The following TSPEAR variants were observed in gnomAD, a reference collection of about 807,000 sequenced individuals.
The protein encoded by TSPEAR is thrombospondin-type laminin G domain and EAR repeat-containing protein.
Under a neutral mutation model 71.6 loss-of-function variants are expected in TSPEAR, and 69 were observed. The observed-to-expected ratio is 0.96, with a 90% CI of 0.79 to 1.18. The LOEUF (loss-of-function observed/expected upper bound fraction) is 1.18. Among genes scored for constraint, TSPEAR ranks in the 50% most tolerant of loss-of-function variants. The probability of loss-of-function intolerance (pLI) is 0.00; values close to 1 mark genes in which losing one functional copy is unlikely to be tolerated. For synonymous variants in TSPEAR, 402 were observed against 387.2 expected, an observed-to-expected ratio of 1.04 and a Z score of -0.45; for missense variants, 971 against 894.9, an observed-to-expected ratio of 1.09 and a Z score of -1.09.
intron 1 of TSPEAR, chr21:44,646,840 C>T (rs587753805): frequency 7.0e-5 from 111 of 1,575,624 alleles, no homozygotes; most frequent in African/African-American, 8.2e-5. Context: ...TTCGTGCTGC[C>T]GGCAGTCTAG....
chr21:44,683,628 C>T (rs73234848), intron 1 of TSPEAR, among the ~76,000 whole-genome samples: 7,307 of 152,106 alleles, frequency 0.048, 213 homozygotes, highest in Middle Eastern at 0.14. Flanking sequence ...ATGATCACAC[C>T]ACTGCATTCC....
chr21:44,698,358 C>T (rs782136276), intron 1 of TSPEAR, among the ~76,000 whole-genome samples: 2 of 152,218 alleles, frequency 1.3e-5, no homozygotes, highest in Admixed American at 6.5e-5. Flanking sequence ...GATGCAGCCT[C>T]CTGGGGCCCT....
chr21:44,656,823 C>T (rs1468633928), intron 1 of TSPEAR, among the ~76,000 whole-genome samples: 1 of 152,124 alleles, frequency 6.6e-6, no homozygotes, highest in East Asian at 1.9e-4. Flanking sequence ...CAGTTCAGTA[C>T]TGTCTCATAT....
chr21:44,661,414 G>A (rs1324254009), intron 1 of TSPEAR, among the ~76,000 whole-genome samples: 3 of 152,036 alleles, frequency 2.0e-5, no homozygotes, highest in Admixed American at 1.3e-4. Flanking sequence ...ATATAAAAGA[G>A]GACATGGAGG....
chr21:44,529,654 A>T, intron 5 of TSPEAR, 144 bp downstream of exon 5: 1 of 923,520 alleles, frequency 1.1e-6, no homozygotes, highest in Non-Finnish European at 1.6e-6. Flanking sequence ...CCCCTGGCCA[A>T]TATGACCGCT....
intron 1 of TSPEAR, among the ~76,000 whole-genome samples, chr21:44,648,028 C>T (rs1046966332): frequency 1.3e-5 from 2 of 152,164 alleles, no homozygotes; most frequent in East Asian, 1.9e-4. Flanking sequence ...GTGCTGGCCT[C>T]GTGGTGTGTG....
At chr21:44,578,944 T>C (rs1978662806) in intron 1 of TSPEAR, among the ~76,000 whole-genome samples, 1 of 152,114 alleles carries the variant, frequency 6.6e-6, no homozygotes, top group African/African-American at 2.4e-5. Flanking sequence ...AGTGCCAGTT[T>C]TGGGGAATCA....
intron 1 of TSPEAR, among the ~76,000 whole-genome samples, chr21:44,571,557 G>A (rs587653682): frequency 5.4e-4 from 82 of 152,264 alleles, no homozygotes; most frequent in Non-Finnish European, 8.8e-4. Context: ...AAATGCCTTC[G>A]TCCACCAAGA....
At position 44,499,458 on chromosome 21, in the gene TSPEAR, C is replaced by T; in HGVS notation, c.*325G>A. 3.3e-6 allele frequency: 1 copy of T among 301,584 alleles called. No individual in the cohort carries two copies. The highest frequency in any genetic ancestry group is 6.2e-6 in the Non-Finnish European group (1 of 161,248). 18.7% of individuals were successfully genotyped at this position (301,584 alleles called of 1,614,324 possible). A position where few individuals can be genotyped will look rare whatever the true frequency, so the allele number is the denominator to read the frequency against. On this transcript the variant is annotated 3_prime_UTR_variant, in exon 12 of 12. Coordinates refer to ENST00000323084, the MANE Select transcript of TSPEAR (RefSeq NM_144991.3). ...AGCCGCAGGGACATGAACCGAGGTC[C>T]TGTTGTTTGAGGTAAAAATGTATAG... is the stretch of plus-strand genomic sequence containing the variant.
intron 1 of TSPEAR, among the ~76,000 whole-genome samples, chr21:44,668,468 C>A (rs1173666148): frequency 1.3e-5 from 2 of 152,186 alleles, no homozygotes; most frequent in African/African-American, 2.4e-5. Flanking sequence ...CCATACTAAC[C>A]AAAGCAATCT....
chr21:44,549,440 G>A (rs1161773855), intron 2 of TSPEAR, among the ~76,000 whole-genome samples: 7 of 152,324 alleles, frequency 4.6e-5, no homozygotes, highest in African/African-American at 9.6e-5. Flanking sequence ...CAAGTGCGGC[G>A]TGTCCACACT....
At position 44,642,421 on chromosome 21, in the gene TSPEAR, G is replaced by A. The variant is rs73909204; in HGVS notation, c.82+69012C>T. On this transcript the variant is annotated intron_variant, in intron 1 of 11. Transcript: ENST00000323084. The surrounding 1 kb of genome is among the most constrained non-coding windows in gnomAD (Gnocchi z 4.1). The stretch of plus-strand genomic sequence containing the variant: ...TGATGCCAAAACCAGGAATAACAGC[G>A]AGAGAGATAGGACTGTAGACCAACA... Among the ~76,000 whole-genome samples, 3,380 of 152,258 alleles carry A rather than the reference G, an allele frequency of 0.022. 119 individuals are homozygous for A. Among genetic ancestry groups the A allele is most frequent in the African/African-American group, 0.078 (3,223 of 41,524 alleles).
Position 44,546,563 on chromosome 21 carries a change from C to T in TSPEAR, c.304-12640G>A, listed in dbSNP as rs969915278. Among the ~76,000 whole-genome samples the T allele has an allele frequency of 3.2e-4, 48 of 152,206 alleles. No individual in the cohort carries two copies. Among genetic ancestry groups the T allele is most frequent in the Admixed American group, 2.0e-3 (30 of 15,286 alleles). ...CAGGATGGTCTCAATCTCCTGACCTCGTGATCCACCTGCCTTGGCCTCCCA... is the reference window on the plus strand; with the variant it reads ...CAGGATGGTCTCAATCTCCTGACCTTGTGATCCACCTGCCTTGGCCTCCCA... On this transcript the variant is annotated intron_variant, in intron 2 of 11. Coordinates refer to ENST00000323084, the MANE Select transcript of TSPEAR (RefSeq NM_144991.3). The surrounding 1 kb of genome is among the most constrained non-coding windows in gnomAD (Gnocchi z 4.4).
At chr21:44,526,443 T>A (rs1195126409) in intron 7 of TSPEAR, among the ~76,000 whole-genome samples, 1 of 150,934 alleles carries the variant, frequency 6.6e-6, no homozygotes, top group African/African-American at 2.5e-5. Context: ...TGTTCTTTGA[T>A]GCAAAGTTTT....
intron 2 of TSPEAR, among the ~76,000 whole-genome samples, chr21:44,552,369 T>C (rs1445414130): frequency 6.6e-6 from 1 of 152,162 alleles, no homozygotes; most frequent in African/African-American, 2.4e-5. Context: ...GAGCCCAGCA[T>C]GGCCTGAAGC....
chr21:44,533,465 C>CA (rs1247516670), intron 3 of TSPEAR, among the ~76,000 whole-genome samples: 13 of 150,660 alleles, frequency 8.6e-5, no homozygotes, highest in African/African-American at 2.7e-4. Flanking sequence ...CCTGCCTCTC[C>CA]ACCCCATGGC....
Position 44,504,780 on chromosome 21 carries a change from C to T in TSPEAR, c.1856G>A (p.Arg619Lys). ...RTFSVNSIIY[R>K]WQGYEGFVAV... ...GAGGCCGGCCTCGGCAGCTCATTACCTGTAAATAATACTGTTCACCGAGAA... is the reference window on the plus strand; with the variant it reads ...GAGGCCGGCCTCGGCAGCTCATTACTTGTAAATAATACTGTTCACCGAGAA... The change falls in exon 11 of 12, where the codon AGG (arginine) becomes AAG (lysine). Residue 619 changes from arginine to lysine, a missense_variant and splice_region_variant. By Grantham distance (26) the Arg-to-Lys change is conservative. Transcript: ENST00000323084. The T allele has an allele frequency of 6.2e-7, 1 of 1,612,232 alleles. No homozygotes were observed. The highest frequency in any genetic ancestry group is 8.5e-7 in the Non-Finnish European group (1 of 1,178,542).
intron 1 of TSPEAR, among the ~76,000 whole-genome samples, chr21:44,587,528 A>T (rs868941776): frequency 6.6e-6 from 1 of 152,068 alleles, no homozygotes; most frequent in Middle Eastern, 3.4e-3. Flanking sequence ...TACAAAAAAA[A>T]TTCTATAATT....
At chr21:44,511,644 A>G (rs1305182908) in intron 9 of TSPEAR, among the ~76,000 whole-genome samples, 2 of 152,144 alleles carry the variant, frequency 1.3e-5, no homozygotes, top group Non-Finnish European at 2.9e-5. Flanking sequence ...CTCTCCCCAC[A>G]TTGCTGGAAA....
Sources: gnomAD v4.1 joint callset for allele counts (sites outside exome capture counted in the v4.1 genomes callset) on GRCh38, gnomAD v4.1.1 for gene constraint, Gnocchi (gnomAD v3.1) non-coding constraint, MANE v1.5 for transcripts, NCBI Gene and HGNC (gene_info 2026-07-23, HGNC 2026-07-21) for gene names.